NHS: variants seen among roughly 807,000 people sequenced by gnomAD.
The protein encoded by NHS is actin remodeling regulator NHS.
NHS carries 5 observed loss-of-function variants against 72.5 expected under a neutral mutation model. That is an observed-to-expected ratio of 0.07 (90% CI 0.04 to 0.14). The LOEUF is 0.14. Among genes scored for constraint, NHS ranks in the 10% least tolerant of loss-of-function variants. The pLI is 1.00. For missense variants in NHS, 1,072 were observed against 1,355.7 expected, an observed-to-expected ratio of 0.79 and a Z score of 3.29; for synonymous variants, 464 against 547.7, an observed-to-expected ratio of 0.85 and a Z score of 2.13.
At chrX:17,504,440 G>T (rs1402217150) in intron 1 of NHS, among the ~76,000 whole-genome samples, 2 of 112,272 alleles carry the variant, frequency 1.8e-5, no homozygotes, top group African/African-American at 6.5e-5. Flanking sequence ...AACTGTACAT[G>T]TAAAGATGTG....
At chrX:17,439,797 C>T (rs954161914) in intron 1 of NHS, among the ~76,000 whole-genome samples, 1 of 112,162 alleles carries the variant, frequency 8.9e-6, no homozygotes, top group Non-Finnish European at 1.9e-5. Context: ...GTGACCCATT[C>T]ATAGATCATG....
In NHS at chrX:17,726,103, A is replaced by G. The variant is rs771011700; in HGVS notation, c.1997A>G (p.Glu666Gly). 1 of 1,211,863 alleles carries G rather than the reference A, an allele frequency of 8.3e-7. No homozygotes were observed. Among genetic ancestry groups the G allele is most frequent in the Admixed American group, 2.2e-5 (1 of 46,075 alleles). The change falls in exon 7 of 9, where the codon GAG becomes GGG. Residue 666 changes from glutamate (E) to glycine (G), a missense_variant. Physicochemically the swap from Glu to Gly is moderately conservative, Grantham distance 98. Transcript: ENST00000676302. ...ACTGGCTCTTCACACTGTGACTCGG[A>G]GTTGTCACTAAACACAGCCCCTCAT... Reference protein sequence around the residue: ...PLTGSSHCDSELSLNTAPHAN... With the variant: ...PLTGSSHCDSGLSLNTAPHAN...
chrX:17,614,276 C>T (rs1164232507), intron 1 of NHS, among the ~76,000 whole-genome samples: 1 of 112,278 alleles, frequency 8.9e-6, no homozygotes, highest in African/African-American at 3.2e-5. Flanking sequence ...GACAAGAGGC[C>T]GCAAGGCTCA....
chrX:17,505,774 T>C (rs2065054764), intron 1 of NHS, among the ~76,000 whole-genome samples: 1 of 110,854 alleles, frequency 9.0e-6, no homozygotes, highest in East Asian at 2.8e-4. Context: ...TCGCACTGTC[T>C]CTCCAGCAGG....
rs1302070294 is a variant in NHS at position 17,731,987 on chromosome X, C to T, written c.4479C>T (p.Thr1493=). 8.3e-7 allele frequency: 1 copy of T among 1,211,673 alleles called. No homozygotes were observed. The highest frequency in any genetic ancestry group is 2.2e-5 in the Admixed American group (1 of 46,042). Residue 1493 remains threonine (T), a synonymous_variant, in exon 9 of 9, where the codon ACC becomes ACT. Transcript: ENST00000676302. The part of the protein sequence containing the change: ...SITSPSSNVT[T]PNSQRSPGLI... ...CTTCACCCAGCAGTAATGTGACAAC[C>T]CCCAACAGCCAGAGGTCTCCTGGTC...
chrX:17,709,256 C>T (rs781457416), intron 3 of NHS, among the ~76,000 whole-genome samples: 2 of 111,630 alleles, frequency 1.8e-5, no homozygotes, highest in South Asian at 3.8e-4. Context: ...CAGCTATTGA[C>T]CACAATAAAT....
chrX:17,584,593 C>T (rs1222452054), intron 1 of NHS, among the ~76,000 whole-genome samples: 1 of 112,228 alleles, frequency 8.9e-6, no homozygotes. Context: ...CTTGTTAGAC[C>T]AGAGCCACTA....
intron 1 of NHS, among the ~76,000 whole-genome samples, chrX:17,430,435 T>G (rs953916709): frequency 3.9e-5 from 4 of 101,933 alleles, no homozygotes; most frequent in Non-Finnish European, 6.0e-5. Flanking sequence ...CTTCCTTTCT[T>G]TCTCTCTCTC....
At chrX:17,588,991 T>C in intron 1 of NHS, among the ~76,000 whole-genome samples, 1 of 111,765 alleles carries the variant, frequency 8.9e-6, no homozygotes, top group Non-Finnish European at 1.9e-5. Flanking sequence ...TAAGTCTCAG[T>C]TTCCTCACCT....
At position 17,728,602 on chromosome X, in the gene NHS, C is replaced by T. The variant is rs41297287; in HGVS notation, c.4223-47C>T. 0.012 allele frequency: 14,173 copies of T among 1,196,213 alleles called. 73 individuals are homozygous for T. The highest frequency in any genetic ancestry group is 0.013 in the Non-Finnish European group (11,529 of 883,648). ...TCCCTGAGTCAGTGAAGTACAGTAGCGTGCTGGGTAACTTCCTCTTAAAGA... is the reference window on the plus strand; with the variant it reads ...TCCCTGAGTCAGTGAAGTACAGTAGTGTGCTGGGTAACTTCCTCTTAAAGA... On this transcript the variant is annotated intron_variant, in intron 7 of 8. Transcript: ENST00000676302.
intron 1 of NHS, among the ~76,000 whole-genome samples, chrX:17,578,432 G>T (rs1196686285): frequency 8.9e-6 from 1 of 111,858 alleles, no homozygotes; most frequent in Admixed American, 9.5e-5. Flanking sequence ...CCCAACTGCC[G>T]GGGTTCCAAT....
chrX:17,585,208 C>T (rs1002182368), intron 1 of NHS, among the ~76,000 whole-genome samples: 8 of 111,851 alleles, frequency 7.2e-5, no homozygotes, highest in Non-Finnish European at 1.1e-4. Context: ...AGCTGTGTGT[C>T]GTTGGACTGG....
At chrX:17,607,894 G>A (rs956610332) in intron 1 of NHS, among the ~76,000 whole-genome samples, 2 of 104,729 alleles carry the variant, frequency 1.9e-5, no homozygotes, top group East Asian at 5.8e-4. Flanking sequence ...TCCAGGTTTC[G>A]TTTCTTCTCT....
At chrX:17,394,794 G>A (rs753783607) in intron 1 of NHS, among the ~76,000 whole-genome samples, 1 of 110,946 alleles carries the variant, frequency 9.0e-6, no homozygotes, top group East Asian at 2.8e-4. Flanking sequence ...AGATGACTGA[G>A]TGTTATCAAC....
intron 1 of NHS, chrX:17,528,719 G>A (rs1445265798): frequency 9.0e-6 from 1 of 111,652 alleles, no homozygotes; most frequent in African/African-American, 3.3e-5. Flanking sequence ...AAAAAAGAAG[G>A]AAAAATAAAT....
intron 1 of NHS, among the ~76,000 whole-genome samples, chrX:17,503,282 A>G (rs2065043676): frequency 8.9e-6 from 1 of 112,359 alleles, no homozygotes. Flanking sequence ...ACTTTTTAAA[A>G]TTACTGCTTG....
At chrX:17,482,862 A>G (rs916982179) in intron 1 of NHS, among the ~76,000 whole-genome samples, 2 of 112,333 alleles carry the variant, frequency 1.8e-5, no homozygotes, top group African/African-American at 6.5e-5. Context: ...ACTTGTATGT[A>G]CAACTCATAG....
chrX:17,557,945 TGA>T (rs1374619385), intron 1 of NHS, among the ~76,000 whole-genome samples: 3 of 111,348 alleles, frequency 2.7e-5, no homozygotes, highest in African/African-American at 9.8e-5. Context: ...GTGAGGGTTT[TGA>T]GAGAGAGAGA....
At chrX:17,469,269 T>C (rs1488698352) in intron 1 of NHS, among the ~76,000 whole-genome samples, 2 of 112,599 alleles carry the variant, frequency 1.8e-5, no homozygotes, top group Non-Finnish European at 1.9e-5. Context: ...GCAGTGCTTC[T>C]GTGAACATTC....
Sources: allele counts gnomAD v4.1 joint callset (sites outside exome capture counted in the v4.1 genomes callset), GRCh38; gene constraint gnomAD v4.1.1; transcripts MANE v1.5; gene names NCBI Gene and HGNC (gene_info 2026-07-23, HGNC 2026-07-21).